Variants in ERICH1 observed in about 807,000 individuals in gnomAD.
ERICH1 encodes glutamate rich 1.
Under a neutral mutation model 39.6 loss-of-function variants are expected in ERICH1, and 56 were observed. The ratio of observed to expected loss-of-function variants is 1.41; its 90% confidence interval spans 1.14 to 1.77. The LOEUF is 1.77. Ranked by LOEUF, ERICH1 falls within the 40% of genes most tolerant of loss-of-function variation. The pLI is 0.00. For missense variants in ERICH1, 826 were observed against 575.4 expected (o/e 1.44, Z -4.45); for synonymous variants, 313 against 223.6 (o/e 1.40, Z -3.57).
chr8:728,774 G>A (rs1449119919), intron 1 of ERICH1, among the ~76,000 whole-genome samples: 2 of 152,156 alleles, frequency 1.3e-5, no homozygotes, highest in Admixed American at 1.3e-4. Context: ...GCATAACATA[G>A]AGCACATTTG....
chr8:694,837 G>A (rs1455634828), intron 2 of ERICH1, among the ~76,000 whole-genome samples: 1 of 152,156 alleles, frequency 6.6e-6, no homozygotes, highest in African/African-American at 2.4e-5. Flanking sequence ...ACACTTTATG[G>A]GGTGGGCGGC....
At chr8:721,154 C>T (rs1817220023) in intron 1 of ERICH1, among the ~76,000 whole-genome samples, 1 of 152,124 alleles carries the variant, frequency 6.6e-6, no homozygotes, top group Admixed American at 6.5e-5. Context: ...TAAATTTTAA[C>T]TCAGTTTAAT....
chr8:704,293 C>G (rs1812783734), intron 2 of ERICH1, among the ~76,000 whole-genome samples: 1 of 152,132 alleles, frequency 6.6e-6, no homozygotes, highest in Non-Finnish European at 1.5e-5. Context: ...CAAAGGAAGC[C>G]CCCGGGAGAG....
intron 2 of ERICH1, among the ~76,000 whole-genome samples, chr8:713,565 T>C (rs542576879): frequency 4.6e-5 from 7 of 152,200 alleles, no homozygotes; most frequent in African/African-American, 1.7e-4. Context: ...ACCAGAACGG[T>C]GTCTGTGGCA....
intron 1 of ERICH1, among the ~76,000 whole-genome samples, chr8:724,005 G>A (rs1210927189): frequency 6.6e-6 from 1 of 152,104 alleles, no homozygotes; most frequent in Non-Finnish European, 1.5e-5. Context: ...AAAAATAATT[G>A]GCTAATACTT....
chr8:661,418 G>A (rs1185394605), downstream of ERICH1, among the ~76,000 whole-genome samples: 2 of 152,090 alleles, frequency 1.3e-5, no homozygotes, highest in Non-Finnish European at 2.9e-5. Flanking sequence ...GAGGTCCCAG[G>A]GTGCAAGCAG....
Position 731,157 on chromosome 8 carries a change from G to A in ERICH1, c.5C>T (p.Ala2Val), listed in dbSNP as rs749047568. Residue 2 changes from alanine to valine, a missense_variant, in exon 1 of 6, where the codon GCG becomes GTG. Ala to Val is a moderately conservative substitution (Grantham distance 64, BLOSUM62 0). Coordinates refer to ENST00000262109, the MANE Select transcript of ERICH1 (RefSeq NM_207332.3). ...CCACCTACCGTGCTTCCTGTGCGCC[G>A]CCATGCGGGACCCTGCCGCGGACCT... is the stretch of plus-strand genomic sequence containing the variant. Reference protein sequence around the residue: MAAHRKHVFVEK... With the variant: MVAHRKHVFVEK... 8 of 1,513,560 alleles carry A rather than the reference G, an allele frequency of 5.3e-6. No homozygotes were observed. In the Admixed American group the frequency reaches 1.0e-4, roughly 19 times the overall value. 93.8% of individuals were successfully genotyped at this position (1,513,560 alleles called of 1,614,324 possible).
intron 4 of ERICH1, among the ~76,000 whole-genome samples, chr8:672,926 T>A (rs1803756533): frequency 6.6e-6 from 1 of 152,228 alleles, no homozygotes; most frequent in Non-Finnish European, 1.5e-5. Flanking sequence ...TGGATTTATC[T>A]CTTGTTTAGA....
At chr8:707,325 A>G (rs1213869963) in intron 2 of ERICH1, among the ~76,000 whole-genome samples, 1 of 150,944 alleles carries the variant, frequency 6.6e-6, no homozygotes, top group Non-Finnish European at 1.5e-5. Flanking sequence ...CTACTGCGTC[A>G]GCCTCCCAGG....
At chr8:698,632 T>G (rs1481075001) in intron 2 of ERICH1, among the ~76,000 whole-genome samples, 6 of 152,168 alleles carry the variant, frequency 3.9e-5, no homozygotes, top group Non-Finnish European at 7.3e-5. Context: ...AAAATTCTTT[T>G]AGAGACAGGG....
chr8:653,324 T>C (rs1427989238), intron 3 of ERICH1, among the ~76,000 whole-genome samples: 2 of 152,226 alleles, frequency 1.3e-5, no homozygotes, highest in Non-Finnish European at 2.9e-5. Context: ...CCTACCTTAA[T>C]AGCAGACAGG....
chr8:662,636 G>A (rs542233376), downstream of ERICH1, among the ~76,000 whole-genome samples: 2 of 152,258 alleles, frequency 1.3e-5, no homozygotes, highest in African/African-American at 2.4e-5. Context: ...CAACAAAAGC[G>A]AGACTCCATC....
chr8:618,596 C>T (rs1236379721), intron 3 of ERICH1, among the ~76,000 whole-genome samples: 2 of 152,216 alleles, frequency 1.3e-5, no homozygotes, highest in Non-Finnish European at 2.9e-5. Flanking sequence ...CCTTGGGCAA[C>T]ATTACCAAAT....
At chr8:671,898 G>C (rs1319642369) in intron 4 of ERICH1, 1 of 166,422 alleles carries the variant, frequency 6.0e-6, no homozygotes, top group Non-Finnish European at 1.3e-5. Context: ...GCCAGCCCCG[G>C]CTCTGTCTGT....
chr8:664,182 A>G (rs1801844965), downstream of ERICH1: 1 of 947,748 alleles, frequency 1.1e-6, no homozygotes, highest in Admixed American at 6.1e-5. Context: ...GAGAAAAAAA[A>G]CTCAACTATA....
chr8:641,411 A>G (rs1798961607), intron 3 of ERICH1, among the ~76,000 whole-genome samples: 1 of 152,228 alleles, frequency 6.6e-6, no homozygotes, highest in Admixed American at 6.5e-5. Flanking sequence ...AGAAAAAGAA[A>G]TCCCCAAGTC....
chr8:624,464 T>C (rs1388930326), intron 3 of ERICH1, among the ~76,000 whole-genome samples: 6 of 152,232 alleles, frequency 3.9e-5, no homozygotes, highest in Admixed American at 2.0e-4. Context: ...TTGTACGTGA[T>C]TGCTCACAGC....
At chr8:729,662 T>C (rs1819555588) in intron 1 of ERICH1, among the ~76,000 whole-genome samples, 1 of 152,098 alleles carries the variant, frequency 6.6e-6, no homozygotes, top group Admixed American at 6.5e-5. Context: ...AATCTATCCT[T>C]CCAACCACAA....
intron 3 of ERICH1, among the ~76,000 whole-genome samples, chr8:687,175 C>T (rs1489605064): frequency 6.6e-6 from 1 of 152,202 alleles, no homozygotes; most frequent in Non-Finnish European, 1.5e-5. Context: ...CTGCTAGAAT[C>T]ACCATCACAA....
Sources: allele counts gnomAD v4.1 joint callset (sites outside exome capture counted in the v4.1 genomes callset), GRCh38; gene constraint gnomAD v4.1.1; transcripts MANE v1.5; gene names NCBI Gene and HGNC (gene_info 2026-07-23, HGNC 2026-07-21).